Variants in CALCOCO2 observed in about 807,000 individuals in gnomAD.
CALCOCO2 encodes the protein calcium binding and coiled-coil domain 2.
Under a neutral mutation model 62.5 loss-of-function variants are expected in CALCOCO2, and 42 were observed. That is an observed-to-expected ratio of 0.67 (90% CI 0.53 to 0.87). CALCOCO2 has a LOEUF of 0.87. CALCOCO2 is among the 40% of genes least tolerant of loss of function. The probability of loss-of-function intolerance (pLI) is 0.00; values close to 1 mark genes in which losing one functional copy is unlikely to be tolerated. For synonymous variants in CALCOCO2, 167 were observed against 173.0 expected (o/e 0.97, Z 0.27); for missense variants, 456 against 515.0 (o/e 0.89, Z 1.11).
intron 4 of CALCOCO2, chr17:48,848,903 T>A: frequency 2.1e-6 from 1 of 475,294 alleles, no homozygotes; most frequent in African/African-American, 2.0e-5. Context: ...TGGTAGGCAC[T>A]GGGAACACAA....
chr17:48,846,110 A>T, intron 2 of CALCOCO2: 1 of 1,178,572 alleles, frequency 8.5e-7, no homozygotes, highest in Non-Finnish European at 1.2e-6. Context: ...GGTACTCAGT[A>T]ACTCTTTTTA....
At chr17:48,861,139 G>A (rs1018333102) in intron 11 of CALCOCO2, among the ~76,000 whole-genome samples, 4 of 151,984 alleles carry the variant, frequency 2.6e-5, no homozygotes, top group African/African-American at 7.2e-5. Context: ...AGGCCGAGGC[G>A]GGCAGATCAC....
chr17:48,856,621 G>C (rs1380088207), intron 10 of CALCOCO2: 1 of 455,974 alleles, frequency 2.2e-6, no homozygotes, highest in African/African-American at 2.0e-5. Flanking sequence ...CCCATGGTAG[G>C]CCCCTAATAA....
At chr17:48,835,744 TCTTTTCTTTTC>T (rs1567748457) in intron 1 of CALCOCO2, among the ~76,000 whole-genome samples, 5 of 151,194 alleles carry the variant, frequency 3.3e-5, no homozygotes, top group African/African-American at 1.2e-4. Context: ...TCTTTTCTTT[TCTTTTCTTTTC>T]TTTTTTTTTG....
At chr17:48,849,510 T>C in intron 5 of CALCOCO2, 133 bp downstream of exon 5, 1 of 757,434 alleles carries the variant, frequency 1.3e-6, no homozygotes, top group Non-Finnish European at 2.2e-6. Flanking sequence ...GGCATTAGTT[T>C]TGTTTGTTTG....
Position 48,863,986 on chromosome 17 carries a change from T to C in CALCOCO2, c.*981T>C, listed in dbSNP as rs2040360420. ...TCTTAAGATTAAATAAAAAAGAGTG[T>C]CCTGGCAGTTATCTTGAGGTGGGGA... On this transcript the variant is annotated 3_prime_UTR_variant, in exon 13 of 13. Transcript: ENST00000258947. 6.6e-6 allele frequency: 1 copy of C among 151,810 alleles called. No homozygotes were observed. The highest frequency in any genetic ancestry group is 1.5e-5 in the Non-Finnish European group (1 of 67,994). 9.4% of individuals were successfully genotyped at this position (151,810 alleles called of 1,614,324 possible). A position where few individuals can be genotyped will look rare whatever the true frequency, so the allele number is the denominator to read the frequency against.
chr17:48,846,130 TA>T (rs2040050862), intron 2 of CALCOCO2: 1 of 1,022,994 alleles, frequency 9.8e-7, no homozygotes, highest in Middle Eastern at 3.1e-4. Flanking sequence ...ATTTTTTATT[TA>T]TTTTTTAAAA....
At chr17:48,847,963 C>A in intron 2 of CALCOCO2, 101 bp from the exon 3 acceptor site, 2 of 688,612 alleles carry the variant, frequency 2.9e-6, no homozygotes, top group Non-Finnish European at 2.5e-6. Flanking sequence ...CCTATATTTT[C>A]AATATATACA....
At chr17:48,845,961 G>A (rs2143610946) in intron 2 of CALCOCO2, 1 of 641,882 alleles carries the variant, frequency 1.6e-6, no homozygotes, top group South Asian at 1.9e-5. Context: ...TAGTAAATTA[G>A]AGAATGAAGA....
At chr17:48,858,071 G>GAATAGA (rs1311782459) in intron 10 of CALCOCO2, among the ~76,000 whole-genome samples, 2 of 144,826 alleles carry the variant, frequency 1.4e-5, no homozygotes, top group African/African-American at 2.5e-5. Context: ...GAATAGAATA[G>GAATAGA]AATTTTACCA....
rs1381045098 is a variant in CALCOCO2, at chr17:48,851,550, C to T, written c.633-9C>T. The T allele has an allele frequency of 6.5e-7, 1 of 1,541,424 alleles. No homozygotes were observed. Among genetic ancestry groups the T allele is most frequent in the Non-Finnish European group, 9.0e-7 (1 of 1,113,542 alleles). On this transcript the variant is annotated splice_polypyrimidine_tract_variant and intron_variant, in intron 6 of 12. Transcript: ENST00000258947. The stretch of plus-strand genomic sequence containing the variant: ...TGAATTTTTCACATAGTTATCTCCA[C>T]CTCTACAGACTGAAAGAACAAAACC...
At chr17:48,835,288 T>C (rs1207147404) in intron 1 of CALCOCO2, among the ~76,000 whole-genome samples, 1 of 152,216 alleles carries the variant, frequency 6.6e-6, no homozygotes, top group Non-Finnish European at 1.5e-5. Context: ...GGCATGGTTA[T>C]GTTCTAGTTT....
At chr17:48,852,418 T>A (rs532315569) in intron 7 of CALCOCO2, 88 bp from the exon 8 acceptor site, 1 of 1,201,180 alleles carries the variant, frequency 8.3e-7, no homozygotes, top group African/African-American at 1.5e-5. Flanking sequence ...GGGAAACACA[T>A]CTCTTTGTTA....
In CALCOCO2 at chr17:48,853,013, G is replaced by T; in HGVS notation, c.912+1G>T. The T allele has an allele frequency of 6.2e-7, 1 of 1,602,550 alleles. No individual in the cohort carries two copies. Among genetic ancestry groups the T allele is most frequent in the Non-Finnish European group, 8.6e-7 (1 of 1,169,512 alleles). Reference sequence around the variant, plus strand: ...AATGAAGAAACAACAGGAATTAATGGCATGTCTGTCTTTGGATGGTTATGT... The same window carrying T: ...AATGAAGAAACAACAGGAATTAATGTCATGTCTGTCTTTGGATGGTTATGT... On this transcript the variant is annotated splice_donor_variant, in intron 9 of 12. Coordinates refer to ENST00000258947, the MANE Select transcript of CALCOCO2 (RefSeq NM_005831.5). LOFTEE classifies it high-confidence loss of function.
chr17:48,836,206 T>C (rs899191572), intron 1 of CALCOCO2, among the ~76,000 whole-genome samples: 1 of 152,168 alleles, frequency 6.6e-6, no homozygotes, highest in African/African-American at 2.4e-5. Flanking sequence ...TTTGATGGGT[T>C]CTTAAGGAAA....
At chr17:48,854,400 T>A (rs796505300) in intron 9 of CALCOCO2, among the ~76,000 whole-genome samples, 366 of 4,478 alleles carry the variant, frequency 0.082, 38 homozygotes, top group African/African-American at 0.14. Context: ...ATATATATTT[T>A]TTTTTTTTTT....
intron 5 of CALCOCO2, among the ~76,000 whole-genome samples, chr17:48,850,402 A>G (rs2040111865): frequency 6.6e-6 from 1 of 152,216 alleles, no homozygotes; most frequent in African/African-American, 2.4e-5. Context: ...GATTGCAGTG[A>G]GCCAAGATCA....
intron 1 of CALCOCO2, among the ~76,000 whole-genome samples, chr17:48,833,856 C>T (rs926835212): frequency 2.6e-5 from 4 of 152,004 alleles, no homozygotes; most frequent in African/African-American, 9.7e-5. Context: ...AGGCTGGGCA[C>T]GGTAGCTCAT....
intron 2 of CALCOCO2, 103 bp downstream of exon 2, chr17:48,841,990 G>C (rs1226181047): frequency 6.3e-6 from 5 of 794,702 alleles, no homozygotes; most frequent in Non-Finnish European, 9.8e-6. Context: ...TATAATATGT[G>C]TTGGCAGTTT....
Sources: allele counts gnomAD v4.1 joint callset (sites outside exome capture counted in the v4.1 genomes callset), GRCh38; gene constraint gnomAD v4.1.1; transcripts MANE v1.5; gene names NCBI Gene and HGNC (gene_info 2026-07-23, HGNC 2026-07-21).